Variants in NCAPD3 observed in about 807,000 individuals in gnomAD.
NCAPD3 encodes the protein condensin-2 complex subunit D3.
A neutral mutation model predicts 182.9 loss-of-function variants in NCAPD3; 105 were observed. The observed-to-expected ratio is 0.57, with a 90% confidence interval of 0.49 to 0.68. The LOEUF is 0.68. Ranked by LOEUF, NCAPD3 falls within the 30% of genes least tolerant of loss-of-function variation. The pLI, the probability that NCAPD3 is intolerant of heterozygous loss-of-function variation, is 0.00. For missense variants in NCAPD3, 1,944 were observed against 1,837.0 expected, an observed-to-expected ratio of 1.06 and a Z score of -1.07; for synonymous variants, 815 against 679.9, an observed-to-expected ratio of 1.20 and a Z score of -3.09.
chr11:134,177,187 G>A, intron 23 of NCAPD3, 32 bp downstream of exon 23: 3 of 1,503,194 alleles, frequency 2.0e-6, no homozygotes, highest in East Asian at 4.5e-5. Context: ...CAATGGTGAA[G>A]GGGAAAGGAC....
intron 27 of NCAPD3, among the ~76,000 whole-genome samples, chr11:134,163,945 G>A (rs1425834137): frequency 1.3e-5 from 2 of 151,396 alleles, no homozygotes; most frequent in East Asian, 1.9e-4. Context: ...GCCTGTGACA[G>A]AAAGAAACCA....
intron 31 of NCAPD3, among the ~76,000 whole-genome samples, 194 bp from the exon 32 acceptor site, chr11:134,157,289 G>A (rs751021118): frequency 2.6e-5 from 4 of 151,916 alleles, no homozygotes; most frequent in African/African-American, 9.7e-5. Flanking sequence ...TTCTCATTAG[G>A]ATTCAAAAAA....
At chr11:134,183,373 G>C (rs1008779477) in intron 19 of NCAPD3, among the ~76,000 whole-genome samples, 5 of 152,152 alleles carry the variant, frequency 3.3e-5, no homozygotes, top group Non-Finnish European at 7.4e-5. Context: ...TTTGAGACCA[G>C]CCTGGCCAAC....
intron 19 of NCAPD3, among the ~76,000 whole-genome samples, chr11:134,183,662 A>C (rs930684292): frequency 1.3e-5 from 2 of 152,230 alleles, no homozygotes; most frequent in East Asian, 3.9e-4. Context: ...TCATCAATAA[A>C]ACAGCTTAAA....
chr11:134,177,882 C>CCTTTCTTTTT (rs1555134210), intron 22 of NCAPD3: 1 of 153,238 alleles, frequency 6.5e-6, no homozygotes, highest in Non-Finnish European at 1.4e-5. Flanking sequence ...ATGCATGTCC[C>CCTTTCTTTTT]CTTTCTTTCT....
chr11:134,201,159 G>A (rs1003018824), intron 13 of NCAPD3, among the ~76,000 whole-genome samples: 7 of 152,024 alleles, frequency 4.6e-5, no homozygotes, highest in Admixed American at 1.3e-4. Context: ...TCATAGCTGG[G>A]ACTACAGGTG....
chr11:134,218,746 T>C (rs1055478581), intron 2 of NCAPD3, among the ~76,000 whole-genome samples: 5 of 152,196 alleles, frequency 3.3e-5, no homozygotes, highest in Non-Finnish European at 5.9e-5. Flanking sequence ...AAAATGTCCC[T>C]AGTTTTTAGT....
intron 3 of NCAPD3, among the ~76,000 whole-genome samples, chr11:134,211,683 G>A (rs1937837352): frequency 1.3e-5 from 2 of 151,938 alleles, no homozygotes; most frequent in South Asian, 4.1e-4. Flanking sequence ...ACATTATCAT[G>A]AGGAGAGAAA....
chr11:134,218,110 A>AAGG (rs1491564516), intron 2 of NCAPD3, among the ~76,000 whole-genome samples: 10 of 59,556 alleles, frequency 1.7e-4, no homozygotes, highest in Non-Finnish European at 2.2e-4. Context: ...AAAAAAAAAA[A>AAGG]GGGGGGGGGG....
Position 134,169,069 on chromosome 11 carries a change from GAAAC to G in NCAPD3, c.3102-19_3102-16del, listed in dbSNP as rs1565528773. On this transcript the variant is annotated splice_polypyrimidine_tract_variant and intron_variant, in intron 24 of 34. Coordinates refer to ENST00000534548, the MANE Select transcript of NCAPD3 (RefSeq NM_015261.3). Reference sequence around the variant, plus strand: ...ACTCCCCGAAGCTGCAAAGGTGAGAGAAACAAAGAGGGAGACCCATTTGCTATGT... The same window carrying G: ...ACTCCCCGAAGCTGCAAAGGTGAGAGAAAGAGGGAGACCCATTTGCTATGT... 1 of 1,610,246 alleles carries G rather than the reference GAAAC, an allele frequency of 6.2e-7. No homozygotes were observed. The highest frequency in any genetic ancestry group is 2.2e-5 in the East Asian group (1 of 44,866).
At position 134,163,556 on chromosome 11, in the gene NCAPD3, C is replaced by T. The variant is rs563726005; in HGVS notation, c.3574-1665G>A. Among the ~76,000 whole-genome samples, 23 of 152,034 alleles carry T rather than the reference C, an allele frequency of 1.5e-4. No individual in the cohort carries two copies. The East Asian group carries it at 3.5e-3, about 23-fold the overall frequency. On this transcript the variant is annotated intron_variant, in intron 27 of 34. Coordinates refer to ENST00000534548, the MANE Select transcript of NCAPD3 (RefSeq NM_015261.3). ...CTACTAAAAATACAAAAAAACTAGC[C>T]GGCCGTGGTGGCTGGTGCCTGTAGT...
In NCAPD3 at chr11:134,191,365, T is replaced by C. The variant is rs939503890; in HGVS notation, c.2045+1324A>G. ...TTCTGGGCCACTTTTTTTCAAGTAT[T>C]AGCCAACTTGGGCAGAGGTGGCTAT... On this transcript the variant is annotated intron_variant, in intron 16 of 34. Transcript: ENST00000534548. Among the ~76,000 whole-genome samples, 6 of 152,158 alleles carry C rather than the reference T, an allele frequency of 3.9e-5. No individual in the cohort carries two copies. In the South Asian group the frequency reaches 8.3e-4, roughly 21 times the overall value.
intron 19 of NCAPD3, 21 bp downstream of exon 19, chr11:134,184,616 T>A (rs956108129): frequency 3.3e-6 from 5 of 1,525,516 alleles, no homozygotes; most frequent in Admixed American, 1.9e-5. Flanking sequence ...CAGAAACATG[T>A]CAGGGAAAGT....
Position 134,151,481 on chromosome 11 carries a change from C to G in NCAPD3, c.*1463G>C, listed in dbSNP as rs1943233285. On this transcript the variant is annotated 3_prime_UTR_variant, in exon 35 of 35. Coordinates refer to ENST00000534548, the MANE Select transcript of NCAPD3 (RefSeq NM_015261.3). Reference sequence around the variant, plus strand: ...TGCCCCCTCTTCTTATACCCTAAAACCTTCTACACTAGTGCCATGGGAACC... The same window carrying G: ...TGCCCCCTCTTCTTATACCCTAAAAGCTTCTACACTAGTGCCATGGGAACC... 1 of 152,168 alleles carries G rather than the reference C, an allele frequency of 6.6e-6. No homozygotes were observed. The highest frequency in any genetic ancestry group is 2.4e-5 in the African/African-American group (1 of 41,418). 9.4% of individuals were successfully genotyped at this position (152,168 alleles called of 1,614,324 possible).
chr11:134,220,071 G>T (rs1938170526), intron 2 of NCAPD3, among the ~76,000 whole-genome samples: 1 of 152,150 alleles, frequency 6.6e-6, no homozygotes, highest in Non-Finnish European at 1.5e-5. Flanking sequence ...TGGGATTACA[G>T]GCATGAGCCA....
chr11:134,205,566 A>G (rs962086606), intron 8 of NCAPD3, among the ~76,000 whole-genome samples: 1 of 151,970 alleles, frequency 6.6e-6, no homozygotes, highest in African/African-American at 2.4e-5. Context: ...TAGTAGAGAC[A>G]GGGTTTCACC....
At chr11:134,194,798 T>C in intron 13 of NCAPD3, 60 bp from the exon 14 acceptor site, 1 of 1,165,126 alleles carries the variant, frequency 8.6e-7, no homozygotes, top group African/African-American at 1.5e-5. Context: ...GCAGCTAACA[T>C]TTCACCACAC....
chr11:134,159,473 A>G (rs1349636510), intron 29 of NCAPD3, among the ~76,000 whole-genome samples: 1 of 152,226 alleles, frequency 6.6e-6, no homozygotes, highest in Non-Finnish European at 1.5e-5. Context: ...GAGAAAAAGG[A>G]GTATGCTACT....
At chr11:134,179,520 A>G (rs1454489039) in intron 20 of NCAPD3, among the ~76,000 whole-genome samples, 1 of 152,236 alleles carries the variant, frequency 6.6e-6, no homozygotes, top group East Asian at 1.9e-4. Context: ...ATCAATGAAC[A>G]CTGATGCTGT....
Sources: allele counts gnomAD v4.1 joint callset (sites outside exome capture counted in the v4.1 genomes callset), GRCh38; gene constraint gnomAD v4.1.1; transcripts MANE v1.5; gene names NCBI Gene and HGNC (gene_info 2026-07-23, HGNC 2026-07-21).